The following ENTPD5 variants were observed in gnomAD, a reference collection of about 807,000 sequenced individuals.
The protein encoded by ENTPD5 is nucleoside diphosphate phosphatase ENTPD5.
A neutral mutation model predicts 60.2 loss-of-function variants in ENTPD5; 49 were observed. That is an observed-to-expected ratio of 0.81 (90% confidence interval 0.65 to 1.03). The LOEUF (loss-of-function observed/expected upper bound fraction) is 1.03. Ranked by LOEUF, ENTPD5 falls within the 50% of genes least tolerant of loss-of-function variation. ENTPD5 has a pLI of 0.00. For synonymous variants in ENTPD5, 187 were observed against 185.4 expected (o/e 1.01, Z -0.07); for missense variants, 480 against 507.6 (o/e 0.95, Z 0.52).
At chr14:74,003,783 A>C (rs1167148990) in intron 3 of ENTPD5, among the ~76,000 whole-genome samples, 1 of 152,132 alleles carries the variant, frequency 6.6e-6, no homozygotes, top group Non-Finnish European at 1.5e-5. Context: ...AGAATCAAAA[A>C]AAAAGAAAAA....
Position 73,983,752 on chromosome 14 carries a change from G to C in ENTPD5, c.298-591C>G, listed in dbSNP as rs550262262. ...GGCTGGAGTGCAGTGGCATGATCTT[G>C]TGATCTTGGCTCACTGCAACCTCCA... is the stretch of plus-strand genomic sequence containing the variant. On this transcript the variant is annotated intron_variant, in intron 5 of 15. Coordinates refer to ENST00000334696, the MANE Select transcript of ENTPD5 (RefSeq NM_001249.5). Among the ~76,000 whole-genome samples, 6 of 149,968 alleles carry C rather than the reference G, an allele frequency of 4.0e-5. No homozygotes were observed. The East Asian group carries it at 1.2e-3, about 29-fold the overall frequency.
chr14:74,000,904 A>C (rs143611188), intron 3 of ENTPD5, among the ~76,000 whole-genome samples: 21 of 152,246 alleles, frequency 1.4e-4, no homozygotes, highest in Non-Finnish European at 2.6e-4. Context: ...TGATAGGAAA[A>C]GTATCGTTTG....
chr14:73,964,027 G>C lies in ENTPD5; in HGVS notation c.*2901C>G, dbSNP rs1164636766. 1 of 152,218 alleles carries C rather than the reference G, an allele frequency of 6.6e-6. No homozygotes were observed. The highest frequency in any genetic ancestry group is 1.9e-4 in the East Asian group (1 of 5,198). 9.4% of individuals were successfully genotyped at this position (152,218 alleles called of 1,614,324 possible). The stretch of plus-strand genomic sequence containing the variant: ...TCAGGAAAAAGAATTAAAGATGGCA[G>C]CTGCTGTGAAAAGCTGTGTGACTCC... On this transcript the variant is annotated 3_prime_UTR_variant, in exon 16 of 16. Transcript: ENST00000334696.
chr14:73,985,929 G>A (rs888091178), intron 5 of ENTPD5, among the ~76,000 whole-genome samples: 2 of 151,752 alleles, frequency 1.3e-5, no homozygotes, highest in East Asian at 1.9e-4. Flanking sequence ...AAAATTAGCC[G>A]GGCATGGTGG....
chr14:73,976,154 G>T, intron 9 of ENTPD5, 139 bp from the exon 10 acceptor site: 2 of 858,480 alleles, frequency 2.3e-6, no homozygotes, highest in South Asian at 1.6e-5. Flanking sequence ...TTGAGGAAAC[G>T]AAGGGATTCT....
intron 12 of ENTPD5, 47 bp from the exon 13 acceptor site, chr14:73,973,071 G>C (rs754260944): frequency 6.2e-7 from 1 of 1,605,518 alleles, no homozygotes. Flanking sequence ...GACGCTGGGG[G>C]AAGGGGACAC....
In ENTPD5 at chr14:74,014,354, G is replaced by A. The variant is rs561096126; in HGVS notation, c.-131+1470C>T. 2.7e-3 allele frequency among the ~76,000 whole-genome samples: 406 copies of A among 151,328 alleles called. 1 individual carries two copies. Among genetic ancestry groups the A allele is most frequent in the Admixed American group, 6.5e-3 (98 of 15,160 alleles). ...GTAGGAGAACCATTTGAGCCCAGTA[G>A]CAACAGAGTGAGATCCAGTCTTTAC... On this transcript the variant is annotated intron_variant, in intron 2 of 15. Transcript: ENST00000334696.
At chr14:73,956,598 C>T (rs1484663707), downstream of ENTPD5, 2 of 152,258 alleles carry the variant, frequency 1.3e-5, no homozygotes, top group East Asian at 3.8e-4. Flanking sequence ...GGTTGCATTT[C>T]CTTAATAACT....
chr14:74,017,643 T>C (rs2059075377), intron 1 of ENTPD5, among the ~76,000 whole-genome samples: 1 of 150,432 alleles, frequency 6.6e-6, no homozygotes, highest in Admixed American at 6.6e-5. Context: ...CTCAACACTT[T>C]GGGAGACCAA....
At chr14:73,959,375 C>T (rs757765575), downstream of ENTPD5, 2 of 1,614,064 alleles carry the variant, frequency 1.2e-6, no homozygotes, top group Admixed American at 1.7e-5. Flanking sequence ...CCAAGTGCAG[C>T]AGAGTCTTAG....
chr14:73,989,431 C>T (rs2058041941), intron 3 of ENTPD5, among the ~76,000 whole-genome samples: 1 of 149,216 alleles, frequency 6.7e-6, no homozygotes, highest in Non-Finnish European at 1.5e-5. Context: ...GGCGCGGTGG[C>T]TCATGCCTGT....
chr14:73,978,138 T>C (rs1318014921), intron 6 of ENTPD5, among the ~76,000 whole-genome samples: 3 of 152,168 alleles, frequency 2.0e-5, no homozygotes, highest in African/African-American at 4.8e-5. Context: ...AGTTAAGTTA[T>C]ATATAAACAA....
At position 73,976,085 on chromosome 14, in the gene ENTPD5, C is replaced by T. The variant is rs1036771192; in HGVS notation, c.643-70G>A. ...ACCTGAAGATGTTCACACCACCACCCGTCCCTCCCAGCAAAAAATCAGAGA... is the reference window on the plus strand; with the variant it reads ...ACCTGAAGATGTTCACACCACCACCTGTCCCTCCCAGCAAAAAATCAGAGA... On this transcript the variant is annotated intron_variant, in intron 9 of 15. Coordinates refer to ENST00000334696, the MANE Select transcript of ENTPD5 (RefSeq NM_001249.5). 18 of 1,296,432 alleles carry T rather than the reference C, an allele frequency of 1.4e-5. No homozygotes were observed. The African/African-American group carries it at 1.6e-4, about 12-fold the overall frequency. 80.3% of individuals were successfully genotyped at this position (1,296,432 alleles called of 1,614,324 possible).
At chr14:74,005,595 G>A (rs775243437) in intron 3 of ENTPD5, among the ~76,000 whole-genome samples, 3 of 151,914 alleles carry the variant, frequency 2.0e-5, no homozygotes, top group Non-Finnish European at 4.4e-5. Flanking sequence ...ATCACCTGAG[G>A]TCAGGAGTTC....
chr14:74,007,255 C>T (rs551427225), intron 3 of ENTPD5, among the ~76,000 whole-genome samples: 13 of 152,272 alleles, frequency 8.5e-5, no homozygotes, highest in South Asian at 2.1e-4. Flanking sequence ...GGCGCGGTGG[C>T]TCACGCCTGT....
In ENTPD5 at chr14:73,973,038, G is replaced by A. The variant is rs745511845; in HGVS notation, c.887-14C>T. 6.2e-7 allele frequency: 1 copy of A among 1,613,898 alleles called. No homozygotes were observed. Among genetic ancestry groups the A allele is most frequent in the South Asian group, 1.1e-5 (1 of 91,052 alleles). On this transcript the variant is annotated splice_polypyrimidine_tract_variant and intron_variant, in intron 12 of 15. Transcript: ENST00000334696. Reference sequence around the variant, plus strand: ...AGCCCACCTCCCCTGCCAGGCAAAGGTGCACAGGGGTAAGGTGAGAACGAC... The same window carrying A: ...AGCCCACCTCCCCTGCCAGGCAAAGATGCACAGGGGTAAGGTGAGAACGAC...
At chr14:73,987,173 A>G in intron 4 of ENTPD5, 1 of 701,696 alleles carries the variant, frequency 1.4e-6, no homozygotes, top group Non-Finnish European at 2.6e-6. Context: ...ACAATTCAGA[A>G]AAAGTTAATC....
At chr14:73,975,883 G>C (rs773647182) in intron 10 of ENTPD5, 53 bp downstream of exon 10, 1 of 1,416,496 alleles carries the variant, frequency 7.1e-7, no homozygotes, top group Non-Finnish European at 9.8e-7. Flanking sequence ...GCTTTGGAAA[G>C]TTAGGAGAAT....
chr14:73,955,395 G>T (rs1448934695), downstream of ENTPD5: 1 of 1,349,924 alleles, frequency 7.4e-7, no homozygotes, highest in East Asian at 2.3e-5. Flanking sequence ...GGAGGGACAA[G>T]GGGGAGCCCA....
Sources: gnomAD v4.1 joint callset for allele counts (sites outside exome capture counted in the v4.1 genomes callset) on GRCh38, gnomAD v4.1.1 for gene constraint, MANE v1.5 for transcripts, NCBI Gene and HGNC (gene_info 2026-07-23, HGNC 2026-07-21) for gene names.